The following FILIP1L variants were observed in gnomAD, a reference collection of about 807,000 sequenced individuals.
FILIP1L encodes filamin A interacting protein 1 like.
Under a neutral mutation model 96.6 loss-of-function variants are expected in FILIP1L, and 55 were observed. The observed-to-expected ratio is 0.57, with a 90% CI of 0.46 to 0.71. The LOEUF is 0.71. Among genes scored for constraint, FILIP1L ranks in the 30% least tolerant of loss-of-function variants. FILIP1L has a pLI of 0.00. For missense variants in FILIP1L, 1,304 were observed against 1,321.2 expected, an observed-to-expected ratio of 0.99 and a Z score of 0.20; for synonymous variants, 467 against 473.9, an observed-to-expected ratio of 0.99 and a Z score of 0.19.
intron 1 of FILIP1L, among the ~76,000 whole-genome samples, chr3:100,090,096 C>T (rs1406158308): frequency 6.6e-6 from 1 of 152,240 alleles, no homozygotes; most frequent in Non-Finnish European, 1.5e-5. Context: ...TCACTGTCTG[C>T]AGCTGATCCT....
intron 5 of FILIP1L, among the ~76,000 whole-genome samples, chr3:99,842,149 G>A (rs1415426968): frequency 3.9e-5 from 6 of 152,064 alleles, no homozygotes; most frequent in South Asian, 4.2e-4. Context: ...AATACTACTC[G>A]GCCATGAAAA....
At chr3:100,045,790 A>G (rs2065269870) in intron 1 of FILIP1L, among the ~76,000 whole-genome samples, 1 of 152,232 alleles carries the variant, frequency 6.6e-6, no homozygotes, top group African/African-American at 2.4e-5. Context: ...AGAAAGCTGT[A>G]ACACATTGCA....
chr3:99,924,160 C>A, intron 4 of FILIP1L, 70 bp downstream of exon 4: 1 of 1,267,528 alleles, frequency 7.9e-7, no homozygotes, highest in Non-Finnish European at 1.1e-6. Flanking sequence ...TCTTTGTATC[C>A]CTGAGACCTG....
chr3:100,034,518 G>A (rs1440359366), intron 1 of FILIP1L, among the ~76,000 whole-genome samples: 1 of 152,184 alleles, frequency 6.6e-6, no homozygotes, highest in Admixed American at 6.5e-5. Flanking sequence ...AAGGTTCTTT[G>A]TGTTGCCTAA....
At chr3:100,027,034 C>T (rs903859291) in intron 1 of FILIP1L, among the ~76,000 whole-genome samples, 2 of 152,094 alleles carry the variant, frequency 1.3e-5, no homozygotes, top group Non-Finnish European at 2.9e-5. Flanking sequence ...CCCTATTTTT[C>T]CAGGTATCTC....
intron 1 of FILIP1L, among the ~76,000 whole-genome samples, chr3:99,948,592 GAGAA>G (rs922634139): frequency 2.1e-5 from 3 of 145,076 alleles, no homozygotes; most frequent in Non-Finnish European, 4.5e-5. Flanking sequence ...AGGAGGGAGA[GAGAA>G]AGAGAGGGGA....
At chr3:99,943,319 T>A (rs1016400862) in intron 1 of FILIP1L, among the ~76,000 whole-genome samples, 22 of 152,338 alleles carry the variant, frequency 1.4e-4, no homozygotes, top group African/African-American at 5.3e-4. Flanking sequence ...TTTTTCAGAA[T>A]AAGCTTCATA....
intron 1 of FILIP1L, among the ~76,000 whole-genome samples, chr3:99,937,681 G>T (rs184642266): frequency 7.2e-5 from 11 of 152,284 alleles, no homozygotes; most frequent in Admixed American, 1.3e-4. Context: ...ACCTCAGCAG[G>T]GATTTATTGA....
At chr3:99,962,841 G>C (rs1708534831) in intron 1 of FILIP1L, among the ~76,000 whole-genome samples, 1 of 152,190 alleles carries the variant, frequency 6.6e-6, no homozygotes, top group Non-Finnish European at 1.5e-5. Flanking sequence ...CATAGATGAA[G>C]TACTCTGAGG....
At chr3:99,872,412 T>C (rs1436851968) in intron 4 of FILIP1L, among the ~76,000 whole-genome samples, 1 of 152,054 alleles carries the variant, frequency 6.6e-6, no homozygotes, top group East Asian at 1.9e-4. Flanking sequence ...TTTGCTGTTC[T>C]GATGTAATGT....
At chr3:99,898,393 A>G (rs1199606219) in intron 4 of FILIP1L, 1 of 152,238 alleles carries the variant, frequency 6.6e-6, no homozygotes, top group African/African-American at 2.4e-5. Context: ...AAACCTGGAA[A>G]GATCAGCTAA....
intron 1 of FILIP1L, among the ~76,000 whole-genome samples, chr3:99,961,379 A>G (rs1311115810): frequency 6.6e-6 from 1 of 152,072 alleles, no homozygotes; most frequent in Non-Finnish European, 1.5e-5. Flanking sequence ...TTAAAATGTA[A>G]CCTTTGATCA....
chr3:99,907,706 A>G (rs1706664556), intron 4 of FILIP1L, among the ~76,000 whole-genome samples: 2 of 152,094 alleles, frequency 1.3e-5, no homozygotes, highest in Non-Finnish European at 2.9e-5. Context: ...CCCTTATGCT[A>G]TTAAGTCCAC....
rs1032923856 is a variant in FILIP1L, at chr3:99,974,551, A to G, written c.-10-43521T>C. 2.0e-5 allele frequency among the ~76,000 whole-genome samples: 3 copies of G among 152,144 alleles called. No individual in the cohort carries two copies. The East Asian group carries it at 5.8e-4, about 29-fold the overall frequency. ...ATGGAGAAACCCCGTCTCTACTAAA[A>G]ATACAAAATTAGCCGGGTGGTGGTG... On this transcript the variant is annotated intron_variant, in intron 1 of 5. Transcript: ENST00000477258.
intron 1 of FILIP1L, among the ~76,000 whole-genome samples, chr3:100,085,020 G>A (rs945142740): frequency 1.5e-4 from 23 of 152,142 alleles, no homozygotes; most frequent in Non-Finnish European, 2.8e-4. Flanking sequence ...GAATTGTGGC[G>A]CACTTTTAAA....
At chr3:99,848,241 A>G in intron 5 of FILIP1L, 54 bp downstream of exon 5, 1 of 1,593,152 alleles carries the variant, frequency 6.3e-7, no homozygotes. Context: ...CCTTGCAAAA[A>G]TATCAGTATG....
rs139939687 is a variant in FILIP1L at position 100,049,938 on chromosome 3, A to G, written c.-11+64115T>C. On this transcript the variant is annotated intron_variant, in intron 1 of 5. Coordinates refer to ENST00000477258, the MANE Select transcript of FILIP1L (RefSeq NM_001387850.1). ...AGTCAAAAGTTATATGCGATTTTCAACTGCACAGAGGGTCAGTGACCCTAA... is the reference window on the plus strand; with the variant it reads ...AGTCAAAAGTTATATGCGATTTTCAGCTGCACAGAGGGTCAGTGACCCTAA... Among the ~76,000 whole-genome samples, 1,106 of 152,294 alleles carry G rather than the reference A, an allele frequency of 7.3e-3. 19 individuals are homozygous for G. Among genetic ancestry groups the G allele is most frequent in the African/African-American group, 0.025 (1,019 of 41,552 alleles).
intron 4 of FILIP1L, among the ~76,000 whole-genome samples, chr3:99,866,399 T>G (rs777162463): frequency 2.6e-5 from 4 of 152,064 alleles, no homozygotes; most frequent in Non-Finnish European, 5.9e-5. Context: ...AAATTCAAAC[T>G]TCAGAAATTT....
chr3:99,831,369 T>G (rs1249603680), intron 5 of FILIP1L, among the ~76,000 whole-genome samples: 4 of 152,218 alleles, frequency 2.6e-5, no homozygotes, highest in Admixed American at 2.6e-4. Context: ...TTAACCCTGA[T>G]TAGTGGACTT....
Sources: gnomAD v4.1 joint callset for allele counts (sites outside exome capture counted in the v4.1 genomes callset) on GRCh38, gnomAD v4.1.1 for gene constraint, MANE v1.5 for transcripts, NCBI Gene and HGNC (gene_info 2026-07-23, HGNC 2026-07-21) for gene names.